USHBP1: variants seen among roughly 807,000 people sequenced by gnomAD.
USHBP1 encodes USH1 protein network component harmonin binding protein 1.
Under a neutral mutation model 76.2 loss-of-function variants are expected in USHBP1, and 67 were observed. The observed-to-expected ratio is 0.88, with a 90% CI of 0.72 to 1.08. The LOEUF is 1.08. USHBP1 is among the 50% of genes least tolerant of loss of function. USHBP1 has a pLI of 0.00. For synonymous variants in USHBP1, 322 were observed against 362.2 expected (o/e 0.89, Z 1.26); for missense variants, 931 against 915.0 (o/e 1.02, Z -0.23).
chr19:17,259,101 G>T (rs1260850870), intron 7 of USHBP1, among the ~76,000 whole-genome samples, 188 bp downstream of exon 7: 1 of 152,094 alleles, frequency 6.6e-6, no homozygotes, highest in East Asian at 1.9e-4. Context: ...GGAGGCAGAG[G>T]TTGCAGTGAG....
At position 17,258,244 on chromosome 19, in the gene USHBP1, C is replaced by A; in HGVS notation, c.1188G>T (p.Met396Ile). Reference protein sequence around the residue: ...WRLLAQEEAAMDAGAQQNPQP... With the variant: ...WRLLAQEEAAIDAGAQQNPQP... Reference sequence around the variant, plus strand: ...GTGGATTCTGCTGTGCTCCTGCATCCATGGCAGCCTCCTCTTGTGCCAGCA... The same window carrying A: ...GTGGATTCTGCTGTGCTCCTGCATCAATGGCAGCCTCCTCTTGTGCCAGCA... Residue 396 changes from methionine (M) to isoleucine (I), a missense_variant, in exon 8 of 13, where the codon ATG becomes ATT. Coordinates refer to ENST00000252597, the MANE Select transcript of USHBP1 (RefSeq NM_031941.4). 6.2e-7 allele frequency: 1 copy of A among 1,614,136 alleles called. No homozygotes were observed. The highest frequency in any genetic ancestry group is 1.1e-5 in the South Asian group (1 of 91,088).
chr19:17,260,686 GC>G (rs1233977269), intron 4 of USHBP1, among the ~76,000 whole-genome samples: 2 of 152,118 alleles, frequency 1.3e-5, no homozygotes, highest in African/African-American at 4.8e-5. Flanking sequence ...TCTCCCTTCT[GC>G]CCTGCTGTCT....
At chr19:17,260,544 G>A (rs1225581086) in intron 4 of USHBP1, among the ~76,000 whole-genome samples, 2 of 152,114 alleles carry the variant, frequency 1.3e-5, no homozygotes, top group Non-Finnish European at 2.9e-5. Flanking sequence ...TGACCAGGCT[G>A]GTCTTGAACT....
chr19:17,259,442 G>A lies in USHBP1; in HGVS notation c.906-13C>T, dbSNP rs749541869. The A allele has an allele frequency of 9.9e-6, 16 of 1,613,838 alleles. No individual in the cohort carries two copies. The highest frequency in any genetic ancestry group is 1.4e-5 in the Non-Finnish European group (16 of 1,179,976). On this transcript the variant is annotated splice_polypyrimidine_tract_variant and intron_variant, in intron 6 of 12. Coordinates refer to ENST00000252597, the MANE Select transcript of USHBP1 (RefSeq NM_031941.4). ...CTTCTCAATGCTCCTGTTCCCGAAGGTGGGGAAGAGGGAAAGTCAGAGGCC... is the reference window on the plus strand; with the variant it reads ...CTTCTCAATGCTCCTGTTCCCGAAGATGGGGAAGAGGGAAAGTCAGAGGCC...
Position 17,259,347 on chromosome 19 carries a change from T to C in USHBP1, c.988A>G (p.Met330Val), listed in dbSNP as rs2073659716. 6.2e-7 allele frequency: 1 copy of C among 1,614,176 alleles called. No individual in the cohort carries two copies. The change falls in exon 7 of 13, where the codon ATG becomes GTG. Residue 330 changes from methionine (M) to valine (V), a missense_variant. Met to Val is a conservative substitution (Grantham distance 21). Transcript: ENST00000252597. ...GYKGRCEGLSMQLGQREAEAT... is the reference protein window; with the variant it reads ...GYKGRCEGLSVQLGQREAEAT... ...TCAGCCTCCCGCTGGCCTAGCTGCATGCTGAGGCCTTCACAGCGGCCCTTG... is the reference window on the plus strand; with the variant it reads ...TCAGCCTCCCGCTGGCCTAGCTGCACGCTGAGGCCTTCACAGCGGCCCTTG...
At chr19:17,250,491 A>C (rs1326023141) in intron 12 of USHBP1, 77 bp from the exon 13 acceptor site, 25 of 1,488,076 alleles carry the variant, frequency 1.7e-5, no homozygotes, top group Non-Finnish European at 2.3e-5. Context: ...TCCCACTCCC[A>C]GAATGGGGGC....
chr19:17,260,323 A>C (rs1430454030), intron 4 of USHBP1, among the ~76,000 whole-genome samples: 1 of 152,194 alleles, frequency 6.6e-6, no homozygotes, highest in East Asian at 1.9e-4. Context: ...TCATTCAGCC[A>C]CATGGCTTTT....
chr19:17,264,337 T>C lies in USHBP1; in HGVS notation c.-38A>G. On this transcript the variant is annotated 5_prime_UTR_variant, in exon 2 of 13. Coordinates refer to ENST00000252597, the MANE Select transcript of USHBP1 (RefSeq NM_031941.4). ...GCCAGTGCCCTCTGAATGCTTCTCC[T>C]TCGTCAACCCCTAAAACCACAGCCT... 1 of 1,582,146 alleles carries C rather than the reference T, an allele frequency of 6.3e-7. No homozygotes were observed. Among genetic ancestry groups the C allele is most frequent in the Non-Finnish European group, 8.6e-7 (1 of 1,165,248 alleles).
intron 10 of USHBP1, 22 bp downstream of exon 10, chr19:17,255,363 A>G (rs371836974): frequency 3.0e-5 from 48 of 1,601,696 alleles, no homozygotes; most frequent in Non-Finnish European, 4.0e-5. Flanking sequence ...CTCCCCTACC[A>G]GGTTCAGGCA....
rs1241232438 is a variant in USHBP1, at chr19:17,264,266, G to A, written c.34C>T (p.Arg12Ter). 6.2e-6 allele frequency: 10 copies of A among 1,613,590 alleles called. No individual in the cohort carries two copies. In the African/African-American group the frequency reaches 6.7e-5, roughly 11 times the overall value. Residue 12 changes from arginine (R) to a stop codon, truncating the protein, a stop_gained, in exon 2 of 13, where the codon CGA becomes TGA. Transcript: ENST00000252597. LOFTEE classifies it high-confidence loss of function. ...SARATRPRSR[R>*]GRHAPPGELD... is the part of the protein sequence containing the mutation. ...CTTACGGGTGGAGCATGCCTCCCTC[G>A]CCGGCTTCGGGGCCGCGTGGCCCGG... is the stretch of plus-strand genomic sequence containing the variant.
At chr19:17,253,954 T>TC (rs1335923749) in intron 10 of USHBP1, among the ~76,000 whole-genome samples, 1 of 146,860 alleles carries the variant, frequency 6.8e-6, no homozygotes, top group East Asian at 2.0e-4. Flanking sequence ...ATGGCTGTAA[T>TC]CCCAGTACTT....
In USHBP1 at chr19:17,264,138, G is replaced by T. The variant is rs202049886; in HGVS notation, c.67C>A (p.Pro23Thr). 4.0e-5 allele frequency: 64 copies of T among 1,613,636 alleles called. No homozygotes were observed. Among genetic ancestry groups the T allele is most frequent in the Non-Finnish European group, 8.5e-7 (1 of 1,179,760 alleles). Reference sequence around the variant, plus strand: ...ACCTCCTCTGAACTCTCAGCCACGGGATCCAGTTCACCCTGCAAATGACCC... The same window carrying T: ...ACCTCCTCTGAACTCTCAGCCACGGTATCCAGTTCACCCTGCAAATGACCC... ...GRHAPPGELD[P>T]VAESSEEVEA... The change falls in exon 3 of 13, where the codon CCC becomes ACC. Residue 23 changes from proline to threonine, a missense_variant. Physicochemically the swap from Pro to Thr is conservative, Grantham distance 38. Transcript: ENST00000252597.
intron 9 of USHBP1, among the ~76,000 whole-genome samples, 200 bp downstream of exon 9, chr19:17,256,271 C>T (rs778374580): frequency 3.3e-5 from 5 of 152,016 alleles, no homozygotes; most frequent in Non-Finnish European, 5.9e-5. Context: ...TTTTGGAGAG[C>T]CAGATTTGTA....
chr19:17,263,929 C>G, intron 3 of USHBP1, 73 bp downstream of exon 3: 1 of 1,445,660 alleles, frequency 6.9e-7, no homozygotes, highest in Non-Finnish European at 9.1e-7. Flanking sequence ...GCAGAGCAGG[C>G]ACATCAGCAG....
chr19:17,258,419 C>A, intron 7 of USHBP1, 34 bp from the exon 8 acceptor site: 1 of 1,593,790 alleles, frequency 6.3e-7, no homozygotes, highest in Non-Finnish European at 8.6e-7. Flanking sequence ...CTTCAGGACA[C>A]TCAGCTCGGC....
chr19:17,255,233 G>C (rs2073603027), intron 10 of USHBP1, 152 bp downstream of exon 10: 1 of 830,860 alleles, frequency 1.2e-6, no homozygotes, highest in African/African-American at 1.7e-5. Flanking sequence ...CGGAGGTTGT[G>C]GTGAGCCGAG....
In USHBP1 at chr19:17,258,207, G is replaced by C. The variant is rs758145120; in HGVS notation, c.1220+5C>G. On this transcript the variant is annotated splice_donor_5th_base_variant and intron_variant, in intron 8 of 12. Coordinates refer to ENST00000252597, the MANE Select transcript of USHBP1 (RefSeq NM_031941.4). Reference sequence around the variant, plus strand: ...AGGCCAGTTCCCAGGGTTCCAGGGGGGTACCTTGGCTGTGGATTCTGCTGT... The same window carrying C: ...AGGCCAGTTCCCAGGGTTCCAGGGGCGTACCTTGGCTGTGGATTCTGCTGT... 2 of 1,613,236 alleles carry C rather than the reference G, an allele frequency of 1.2e-6. No homozygotes were observed. Among genetic ancestry groups the C allele is most frequent in the African/African-American group, 2.7e-5 (2 of 74,878 alleles).
intron 12 of USHBP1, 88 bp downstream of exon 12, chr19:17,251,494 G>T: frequency 6.4e-7 from 1 of 1,562,808 alleles, no homozygotes; most frequent in Non-Finnish European, 8.7e-7. Flanking sequence ...AGTGGGGAAT[G>T]CTAAGGCCCA....
chr19:17,258,572 G>A (rs544872163), intron 7 of USHBP1, 187 bp from the exon 8 acceptor site: 2 of 576,866 alleles, frequency 3.5e-6, no homozygotes, highest in South Asian at 4.0e-5. Flanking sequence ...AGCAAGGTGT[G>A]GTGGTACGCA....
Sources: allele counts gnomAD v4.1 joint callset (sites outside exome capture counted in the v4.1 genomes callset), GRCh38; gene constraint gnomAD v4.1.1; transcripts MANE v1.5; gene names NCBI Gene and HGNC (gene_info 2026-07-23, HGNC 2026-07-21).